TMEM132A: variants seen among roughly 807,000 people sequenced by gnomAD.
TMEM132A encodes the protein GRP78-binding protein.
A neutral mutation model predicts 69.9 loss-of-function variants in TMEM132A; 48 were observed. The observed-to-expected ratio is 0.69, with a 90% confidence interval of 0.55 to 0.87. The LOEUF (loss-of-function observed/expected upper bound fraction) is 0.87, where lower values mean the gene tolerates loss of function less well. Among genes scored for constraint, TMEM132A ranks in the 40% least tolerant of loss-of-function variants. The probability of loss-of-function intolerance (pLI) is 0.00; values close to 1 mark genes in which losing one functional copy is unlikely to be tolerated. For missense variants in TMEM132A, 1,287 were observed against 1,407.2 expected (o/e 0.91, Z 1.37); for synonymous variants, 577 against 613.7 (o/e 0.94, Z 0.88).
At position 60,936,499 on chromosome 11, in the gene TMEM132A, C is replaced by T. The variant is rs1403343312; in HGVS notation, c.2664C>T (p.Thr888=). The change falls in exon 11 of 11, where the codon ACC becomes ACT. Residue 888 remains threonine (T), a synonymous_variant. Transcript: ENST00000453848. ...CTCCCGACAGTGCCACTGACCCCACCTCCCCCCAGCCCCACAACTGGGTCT... is the reference window on the plus strand; with the variant it reads ...CTCCCGACAGTGCCACTGACCCCACTTCCCCCCAGCCCCACAACTGGGTCT... ...KEPPDSATDP[T]SPQPHNWVWL... The T allele has an allele frequency of 6.2e-7, 1 of 1,614,136 alleles. No individual in the cohort carries two copies. Among genetic ancestry groups the T allele is most frequent in the Non-Finnish European group, 8.5e-7 (1 of 1,180,028 alleles).
At chr11:60,924,767 G>T (rs754774234) in intron 1 of TMEM132A, 34 bp downstream of exon 1, 1 of 1,413,866 alleles carries the variant, frequency 7.1e-7, no homozygotes, top group Non-Finnish European at 9.4e-7. Context: ...GCGAGGGGCG[G>T]CCGGGCCCGG....
At chr11:60,927,446 G>C (rs763880474) in intron 2 of TMEM132A, 28 bp downstream of exon 2, 11 of 1,590,722 alleles carry the variant, frequency 6.9e-6, no homozygotes, top group Non-Finnish European at 9.4e-6. Context: ...GGGACTCTCA[G>C]GCTAACAGGA....
At chr11:60,933,869 T>C in intron 8 of TMEM132A, 125 bp downstream of exon 8, 1 of 863,182 alleles carries the variant, frequency 1.2e-6, no homozygotes. Context: ...TGCAGTTCCT[T>C]CTGCCCACCT....
intron 1 of TMEM132A, 185 bp from the exon 2 acceptor site, chr11:60,927,019 A>G: frequency 1.5e-6 from 1 of 648,278 alleles, no homozygotes; most frequent in Non-Finnish European, 2.8e-6. Flanking sequence ...TTTGCTACAT[A>G]CTACCTGTGT....
rs1029465140 is a variant in TMEM132A, at chr11:60,935,131, G to A, written c.1837-121G>A. 12 of 918,420 alleles carry A rather than the reference G, an allele frequency of 1.3e-5. No homozygotes were observed. In the African/African-American group the frequency reaches 1.8e-4, roughly 14 times the overall value. The allele number at this position is 918,420 out of a possible 1,614,324, so 56.9% of individuals were successfully genotyped here. On this transcript the variant is annotated intron_variant, in intron 9 of 10. Transcript: ENST00000453848. The surrounding 1 kb of genome is among the most constrained non-coding windows in gnomAD (Gnocchi z 5.0). ...TTCCCTCTGGGTGGGGGCTGTCCGT[G>A]GCGAAGACCTCCCCCACCTCCGGAG...
chr11:60,924,745 G>A lies in TMEM132A; in HGVS notation c.100+12G>A. 2 of 1,524,928 alleles carry A rather than the reference G, an allele frequency of 1.3e-6. No homozygotes were observed. Among genetic ancestry groups the A allele is most frequent in the Non-Finnish European group, 1.7e-6 (2 of 1,143,766 alleles). The allele number at this position is 1,524,928 out of a possible 1,614,324, so 94.5% of individuals were successfully genotyped here. On this transcript the variant is annotated intron_variant, in intron 1 of 10. Coordinates refer to ENST00000453848, the MANE Select transcript of TMEM132A (RefSeq NM_178031.3). ...GGACGTCGTGAGAGGTCAGCGGGAG[G>A]GGAGGGCCGGGGCGAGGGGCGGCCG...
In TMEM132A at chr11:60,934,610, G is replaced by A. The variant is rs759972722; in HGVS notation, c.1682G>A (p.Gly561Asp). ...CCCTTCGCGGCCCACCCGCTGGACG[G>A]CGGCCGCCGCCTCACGCACCTGCTT... ...LAPFAAHPLD[G>D]GRRLTHLLGP... The change falls in exon 9 of 11, where the codon GGC becomes GAC. Residue 561 changes from glycine (G) to aspartate (D), a missense_variant. By Grantham distance (94) the Gly-to-Asp change is moderately conservative. Coordinates refer to ENST00000453848, the MANE Select transcript of TMEM132A (RefSeq NM_178031.3). 2 of 1,579,220 alleles carry A rather than the reference G, an allele frequency of 1.3e-6. No individual in the cohort carries two copies. Among genetic ancestry groups the A allele is most frequent in the Admixed American group, 1.7e-5 (1 of 57,534 alleles).
chr11:60,928,587 G>GCACC, intron 3 of TMEM132A, 42 bp from the exon 4 acceptor site: 1 of 1,571,726 alleles, frequency 6.4e-7, no homozygotes, highest in Non-Finnish European at 8.7e-7. Context: ...TCCTCGCCCT[G>GCACC]CACCCACCCC....
In TMEM132A at chr11:60,935,185, C is replaced by G; in HGVS notation, c.1837-67C>G. On this transcript the variant is annotated intron_variant, in intron 9 of 10. Transcript: ENST00000453848. This position sits in a 1 kb window ranked among gnomAD's most constrained non-coding sequence, Gnocchi z 5.0. ...AGCCCGTGAGGGTGCTGGGAGCACC[C>G]GGTTCCCTCTGGGTGGGGGCTGTCT... The G allele has an allele frequency of 2.0e-6, 3 of 1,479,358 alleles. No individual in the cohort carries two copies. The highest frequency in any genetic ancestry group is 2.8e-6 in the Non-Finnish European group (3 of 1,088,088). 91.6% of individuals were successfully genotyped at this position (1,479,358 alleles called of 1,614,324 possible). A position where few individuals can be genotyped will look rare whatever the true frequency, so the allele number is the denominator to read the frequency against.
intron 1 of TMEM132A, chr11:60,926,953 A>G: frequency 3.5e-6 from 2 of 574,346 alleles, no homozygotes; most frequent in Non-Finnish European, 6.3e-6. Context: ...GGTCTGTGGA[A>G]AGTAGAAGGA....
Position 60,936,440 on chromosome 11 carries a change from G to T in TMEM132A, c.2605G>T (p.Val869Leu). Residue 869 changes from valine (V) to leucine (L), a missense_variant, in exon 11 of 11, where the codon GTG becomes TTG. Physicochemically the swap from Val to Leu is conservative, Grantham distance 32 (BLOSUM62 1). Coordinates refer to ENST00000453848, the MANE Select transcript of TMEM132A (RefSeq NM_178031.3). Reference sequence around the variant, plus strand: ...CATCTTCATCTTCTTGGTCAATGGTGTGGTCTTCGTCCTGCGCTATCAGCG... The same window carrying T: ...CATCTTCATCTTCTTGGTCAATGGTTTGGTCTTCGTCCTGCGCTATCAGCG... Reference protein sequence around the residue: ...VAIFIFLVNGVVFVLRYQRKE... With the variant: ...VAIFIFLVNGLVFVLRYQRKE... 3 of 1,614,200 alleles carry T rather than the reference G, an allele frequency of 1.9e-6. No homozygotes were observed. Among genetic ancestry groups the T allele is most frequent in the Non-Finnish European group, 2.5e-6 (3 of 1,180,024 alleles).
chr11:60,934,747 G>A lies in TMEM132A; in HGVS notation c.1819G>A (p.Gly607Ser), dbSNP rs1335624739. The A allele has an allele frequency of 3.1e-6, 5 of 1,603,344 alleles. No individual in the cohort carries two copies. Among genetic ancestry groups the A allele is most frequent in the East Asian group, 2.2e-5 (1 of 44,498 alleles). Residue 607 changes from glycine (G) to serine (S), a missense_variant, in exon 9 of 11, where the codon GGT becomes AGT. Gly to Ser is a moderately conservative substitution (Grantham distance 56). Transcript: ENST00000453848. ...GGRVVVGREP[G>S]VTSIEVRSPL... ...CCGTGTCGTGGTGGGCCGGGAGCCCGGTGTCACCTCCATTGAGGTAAGCAG... is the reference window on the plus strand; with the variant it reads ...CCGTGTCGTGGTGGGCCGGGAGCCCAGTGTCACCTCCATTGAGGTAAGCAG...
At chr11:60,927,442 C>G (rs1166228675) in intron 2 of TMEM132A, 24 bp downstream of exon 2, 1 of 1,595,018 alleles carries the variant, frequency 6.3e-7, no homozygotes, top group African/African-American at 1.3e-5. Context: ...ACCGGGGACT[C>G]TCAGGCTAAC....
At chr11:60,931,939 C>T (rs1306663388) in intron 6 of TMEM132A, 45 bp from the exon 7 acceptor site, 4 of 1,613,858 alleles carry the variant, frequency 2.5e-6, no homozygotes, top group Non-Finnish European at 3.4e-6. Context: ...CCCAGGAGCC[C>T]CATGAGCTGA....
chr11:60,924,655 C>T lies in TMEM132A; in HGVS notation c.22C>T (p.Arg8Cys). ...AAGGATGTGCGCGCGGATGGCCGGT[C>T]GCACAACAGCGGCCCCTCGGGGGCC... The part of the protein sequence containing the change: MCARMAG[R>C]TTAAPRGPYG... Residue 8 changes from arginine (R) to cysteine (C), a missense_variant, in exon 1 of 11, where the codon CGC (arginine) becomes TGC (cysteine). By Grantham distance (180) the Arg-to-Cys change is radical (BLOSUM62 -3). Transcript: ENST00000453848. The T allele has an allele frequency of 1.3e-6, 2 of 1,594,308 alleles. No individual in the cohort carries two copies. The highest frequency in any genetic ancestry group is 1.7e-6 in the Non-Finnish European group (2 of 1,176,480).
At chr11:60,925,304 C>T (rs1856325981) in intron 1 of TMEM132A, 1 of 152,706 alleles carries the variant, frequency 6.5e-6, no homozygotes, top group African/African-American at 2.4e-5. Flanking sequence ...CAGCAACTTC[C>T]CTGTGCTTCG....
chr11:60,931,798 CA>C lies in TMEM132A; in HGVS notation c.1127del (p.Gln376ArgfsTer34), dbSNP rs1467191626. The C allele has an allele frequency of 6.2e-7, 1 of 1,614,210 alleles. No homozygotes were observed. The highest frequency in any genetic ancestry group is 1.1e-5 in the South Asian group (1 of 91,088). On this transcript the variant is annotated frameshift_variant, in exon 6 of 11. Transcript: ENST00000453848. LOFTEE classifies it high-confidence loss of function. ...PVTWQLEYPG[Q>X]APEAEKDKMV... ...CACGTGGCAGCTGGAGTACCCAGGC[CA>C]GGCCCCTGAAGCAGAGAAGGACAAA... is the stretch of plus-strand genomic sequence containing the variant.
chr11:60,934,570 G>C lies in TMEM132A; in HGVS notation c.1642G>C (p.Val548Leu). The stretch of plus-strand genomic sequence containing the variant: ...CCACCTGCAGTACCAGCGGGCCGGT[G>C]TGCGCTTCCTCGCCCCCTTCGCGGC... ...GCHLQYQRAGVRFLAPFAAHP... is the reference protein window; with the variant it reads ...GCHLQYQRAGLRFLAPFAAHP... Residue 548 changes from valine (V) to leucine (L), a missense_variant, in exon 9 of 11, where the codon GTG (valine) becomes CTG (leucine). Val to Leu is a conservative substitution (Grantham distance 32). Transcript: ENST00000453848. 1 of 1,541,220 alleles carries C rather than the reference G, an allele frequency of 6.5e-7. No individual in the cohort carries two copies.
intron 1 of TMEM132A, 39 bp downstream of exon 1, chr11:60,924,772 G>C (rs1269161303): frequency 3.1e-5 from 44 of 1,412,332 alleles, no homozygotes; most frequent in Admixed American, 4.8e-5. Flanking sequence ...GGGCGGCCGG[G>C]CCCGGCCGAG....
Sources: allele counts gnomAD v4.1 joint callset, GRCh38; gene constraint gnomAD v4.1.1; non-coding constraint Gnocchi (gnomAD v3.1); transcripts MANE v1.5; gene names NCBI Gene and HGNC (gene_info 2026-07-23, HGNC 2026-07-21).